PRKN: variants seen among roughly 807,000 people sequenced by gnomAD.
PRKN encodes the protein parkin RBR E3 ubiquitin protein ligase, also known as E3 ubiquitin-protein ligase parkin.
A neutral mutation model predicts 59.5 loss-of-function variants in PRKN; 56 were observed. That is an observed-to-expected ratio of 0.94 (90% CI 0.76 to 1.18). PRKN has a LOEUF of 1.18. Ranked by LOEUF, PRKN falls within the 50% of genes most tolerant of loss-of-function variation. The pLI is 0.00. For missense variants in PRKN, 657 were observed against 596.4 expected (o/e 1.10, Z -1.06); for synonymous variants, 250 against 222.1 (o/e 1.13, Z -1.12).
chr6:162,082,110 A>G lies in PRKN; in HGVS notation c.535-27936T>C, dbSNP rs1362834581. Among the ~76,000 whole-genome samples, 6 of 152,074 alleles carry G rather than the reference A, an allele frequency of 3.9e-5. No individual in the cohort carries two copies. The East Asian group carries it at 1.2e-3, about 29-fold the overall frequency. The stretch of plus-strand genomic sequence containing the variant: ...CTCATCTTGAATTGTAACTCCTACA[A>G]TTTCCAAGTGTTGTGGGAGGAACCT... On this transcript the variant is annotated intron_variant, in intron 4 of 11. Transcript: ENST00000366898.
chr6:162,603,646 A>G (rs1393953774), intron 1 of PRKN, among the ~76,000 whole-genome samples: 5 of 152,236 alleles, frequency 3.3e-5, no homozygotes, highest in African/African-American at 9.6e-5. Context: ...ACTGAAACGA[A>G]TAACAATGAT....
At chr6:162,306,425 T>C (rs1583348769) in intron 2 of PRKN, among the ~76,000 whole-genome samples, 1 of 152,194 alleles carries the variant, frequency 6.6e-6, no homozygotes, top group African/African-American at 2.4e-5. Context: ...CATCTAAATC[T>C]TCCCTGAATG....
intron 11 of PRKN, among the ~76,000 whole-genome samples, chr6:161,358,925 G>T (rs1784871339): frequency 6.7e-6 from 1 of 150,200 alleles, no homozygotes; most frequent in Admixed American, 6.7e-5. Flanking sequence ...CTCCAGAGTA[G>T]CTGGGACTAC....
intron 5 of PRKN, among the ~76,000 whole-genome samples, chr6:162,009,836 T>G (rs1188002410): frequency 6.6e-6 from 1 of 151,758 alleles, no homozygotes; most frequent in African/African-American, 2.4e-5. Context: ...CTCTGGAGGC[T>G]GAGGCATGAT....
chr6:162,277,305 C>T (rs533788757), intron 2 of PRKN, among the ~76,000 whole-genome samples: 78 of 152,202 alleles, frequency 5.1e-4, no homozygotes, highest in Middle Eastern at 3.4e-3. Context: ...AAGATTCACA[C>T]GGGCATTGTC....
intron 7 of PRKN, among the ~76,000 whole-genome samples, chr6:161,730,119 T>A (rs1787618208): frequency 6.6e-6 from 1 of 152,042 alleles, no homozygotes; most frequent in Non-Finnish European, 1.5e-5. Context: ...TTCTTTCTGA[T>A]GTGTTGCATT....
intron 6 of PRKN, among the ~76,000 whole-genome samples, chr6:161,890,378 C>T (rs141592094): frequency 5.0e-3 from 769 of 152,296 alleles, no homozygotes; most frequent in Middle Eastern, 0.017. Flanking sequence ...CTGGTCTTGG[C>T]ATCGCATCAC....
chr6:162,238,564 T>C (rs562564349), intron 3 of PRKN, among the ~76,000 whole-genome samples: 1 of 152,326 alleles, frequency 6.6e-6, no homozygotes, highest in South Asian at 2.1e-4. Context: ...GACGTTAGTA[T>C]TCCTTGTTTC....
intron 4 of PRKN, among the ~76,000 whole-genome samples, chr6:162,077,194 A>C (rs923610020): frequency 2.0e-5 from 3 of 152,140 alleles, no homozygotes; most frequent in Non-Finnish European, 2.9e-5. Flanking sequence ...AAATTGTTCA[A>C]ATGCACAAAT....
At chr6:161,682,348 C>A (rs1225518651) in intron 7 of PRKN, among the ~76,000 whole-genome samples, 2 of 152,188 alleles carry the variant, frequency 1.3e-5, no homozygotes, top group Non-Finnish European at 2.9e-5. Context: ...TGCTGGTCAG[C>A]CAAGAGTCAG....
chr6:162,624,593 G>A (rs1402993675), intron 1 of PRKN: 3 of 152,172 alleles, frequency 2.0e-5, no homozygotes, highest in Admixed American at 1.3e-4. Context: ...TAACTGTAAA[G>A]GAAAAGGAAA....
chr6:162,515,371 C>A (rs538259895), intron 1 of PRKN, among the ~76,000 whole-genome samples: 1 of 152,208 alleles, frequency 6.6e-6, no homozygotes, highest in African/African-American at 2.4e-5. Context: ...GCATGAGCCA[C>A]CGCACCTGGT....
rs1464229724 is a variant in PRKN at position 162,021,139 on chromosome 6, TA to T, written c.618+32951del. ...AAAAACATATATATATATATATATATATATATATATATATATATATATATAT... is the reference window on the plus strand; with the variant it reads ...AAAAACATATATATATATATATATATTATATATATATATATATATATATAT... On this transcript the variant is annotated intron_variant, in intron 5 of 11. Coordinates refer to ENST00000366898, the MANE Select transcript of PRKN (RefSeq NM_004562.3). Among the ~76,000 whole-genome samples, 11 of 5,302 alleles carry T rather than the reference TA, an allele frequency of 2.1e-3. 1 individual carries two copies. Among genetic ancestry groups the T allele is most frequent in the Non-Finnish European group, 3.5e-3 (11 of 3,104 alleles). The allele number at this position is 5,302 out of a possible 152,430, so 3.5% of individuals were successfully genotyped here.
chr6:162,004,880 G>A (rs1782190304), intron 5 of PRKN, among the ~76,000 whole-genome samples: 1 of 152,082 alleles, frequency 6.6e-6, no homozygotes, highest in South Asian at 2.1e-4. Flanking sequence ...TGGGCTCAGT[G>A]GGATAAATTG....
Position 162,024,915 on chromosome 6 carries a change from CAAATA to C in PRKN, c.618+29171_618+29175del, listed in dbSNP as rs1783363495. Among the ~76,000 whole-genome samples the C allele has an allele frequency of 2.6e-5, 4 of 151,980 alleles. No homozygotes were observed. The South Asian group carries it at 8.3e-4, about 32-fold the overall frequency. On this transcript the variant is annotated intron_variant, in intron 5 of 11. Coordinates refer to ENST00000366898, the MANE Select transcript of PRKN (RefSeq NM_004562.3). Reference sequence around the variant, plus strand: ...TGTTGTTTATAGTCAGCACGTGCACCAAATAAGTCTTTTTTTATATTATGAAACAT... The same window carrying C: ...TGTTGTTTATAGTCAGCACGTGCACCAGTCTTTTTTTATATTATGAAACAT...
At chr6:161,737,613 C>G (rs1044878176) in intron 7 of PRKN, among the ~76,000 whole-genome samples, 2 of 152,132 alleles carry the variant, frequency 1.3e-5, no homozygotes, top group African/African-American at 4.8e-5. Context: ...GAAGTAGGCT[C>G]TGTTATTATT....
At chr6:161,646,530 C>T (rs1783957759) in intron 7 of PRKN, among the ~76,000 whole-genome samples, 1 of 139,752 alleles carries the variant, frequency 7.2e-6, no homozygotes, top group African/African-American at 2.6e-5. Flanking sequence ...GTGGTGACTG[C>T]GTGTGCGTGC....
intron 1 of PRKN, among the ~76,000 whole-genome samples, chr6:162,552,807 C>G (rs937101143): frequency 6.6e-6 from 1 of 151,988 alleles, no homozygotes; most frequent in Non-Finnish European, 1.5e-5. Context: ...GCTCTGAGGA[C>G]CTTCAACCTT....
chr6:161,617,127 T>C (rs1013812154), intron 7 of PRKN, among the ~76,000 whole-genome samples: 4 of 152,246 alleles, frequency 2.6e-5, no homozygotes, highest in Non-Finnish European at 5.9e-5. Flanking sequence ...TGGTATCTCA[T>C]TGTGGTTTTG....
Sources: gnomAD v4.1 joint callset for allele counts (sites outside exome capture counted in the v4.1 genomes callset) on GRCh38, gnomAD v4.1.1 for gene constraint, MANE v1.5 for transcripts, NCBI Gene and HGNC (gene_info 2026-07-23, HGNC 2026-07-21) for gene names.